Variants in ZDHHC11B observed in about 807,000 individuals in gnomAD.
The protein encoded by ZDHHC11B is probable palmitoyltransferase ZDHHC11B.
In ZDHHC11B, 17 loss-of-function variants were observed where a neutral mutation model predicts 42.3. That is an observed-to-expected ratio of 0.40 (90% CI 0.27 to 0.60). The LOEUF is 0.60. ZDHHC11B is among the 20% of genes least tolerant of loss of function. The probability of loss-of-function intolerance (pLI) is 0.41; values close to 1 mark genes in which losing one functional copy is unlikely to be tolerated. For missense variants in ZDHHC11B, 262 were observed against 463.2 expected, an observed-to-expected ratio of 0.57 and a Z score of 3.99; for synonymous variants, 123 against 193.5, an observed-to-expected ratio of 0.64 and a Z score of 3.02.
chr5:738,740 T>C (rs1409892216), intron 10 of ZDHHC11B, among the ~76,000 whole-genome samples: 1 of 149,386 alleles, frequency 6.7e-6, no homozygotes, highest in African/African-American at 2.4e-5. Context: ...ACAAGCCACA[T>C]GTGAAGAATG....
intron 4 of ZDHHC11B, among the ~76,000 whole-genome samples, chr5:759,334 G>A (rs1173014032): frequency 2.6e-5 from 4 of 151,866 alleles, no homozygotes; most frequent in African/African-American, 9.7e-5. Context: ...GGTGGAGAGC[G>A]AGCCCACAGC....
At chr5:772,741 C>T (rs1464554327) in intron 1 of ZDHHC11B, among the ~76,000 whole-genome samples, 2 of 151,752 alleles carry the variant, frequency 1.3e-5, no homozygotes, top group Admixed American at 6.6e-5. Context: ...CTTTCTGCAC[C>T]AAGGGGTGGA....
chr5:745,759 G>A (rs867242484), intron 8 of ZDHHC11B, among the ~76,000 whole-genome samples: 1 of 150,034 alleles, frequency 6.7e-6, no homozygotes, highest in Non-Finnish European at 1.5e-5. Flanking sequence ...CTGGACACTG[G>A]GTGGGGCGCA....
chr5:745,986 G>A (rs1301801956), intron 8 of ZDHHC11B, among the ~76,000 whole-genome samples: 5 of 148,602 alleles, frequency 3.4e-5, no homozygotes, highest in Non-Finnish European at 5.9e-5. Context: ...AGTGCCCACA[G>A]GACAGCTCAG....
chr5:713,141 G>C (rs1741494812), intron 13 of ZDHHC11B, among the ~76,000 whole-genome samples: 1 of 151,220 alleles, frequency 6.6e-6, no homozygotes, highest in Admixed American at 6.6e-5. Context: ...ACATAACATA[G>C]CCTTCAAACT....
intron 4 of ZDHHC11B, among the ~76,000 whole-genome samples, chr5:758,828 G>T (rs142566468): frequency 1.3e-5 from 2 of 151,912 alleles, no homozygotes; most frequent in African/African-American, 2.4e-5. Context: ...CGAGGTCCGC[G>T]CTCTGCGGGT....
intron 1 of ZDHHC11B, among the ~76,000 whole-genome samples, chr5:776,797 C>T (rs1478363392): frequency 2.6e-5 from 4 of 151,866 alleles, no homozygotes; most frequent in African/African-American, 4.8e-5. Flanking sequence ...AGGAACAAGG[C>T]GGCTCAGGTC....
chr5:765,784 T>C lies in ZDHHC11B; in HGVS notation c.222+914A>G, dbSNP rs545275214. Among the ~76,000 whole-genome samples the C allele has an allele frequency of 4.6e-3, 701 of 151,594 alleles. 1 individual carries two copies. The highest frequency in any genetic ancestry group is 0.016 in the African/African-American group (666 of 41,120). ...CCAGAAGGAAGAAATTCTGAACACA[T>C]CCAAACATCAGAAGGAACAAACTCC... On this transcript the variant is annotated intron_variant, in intron 4 of 13. Transcript: ENST00000508859.
chr5:732,476 T>A (rs1473238507), intron 11 of ZDHHC11B: 1 of 320,862 alleles, frequency 3.1e-6, no homozygotes, highest in East Asian at 9.1e-5. Flanking sequence ...GGTGGCTGAG[T>A]CTGGGCGGGG....
At chr5:766,227 C>T (rs1735334132) in intron 4 of ZDHHC11B, among the ~76,000 whole-genome samples, 2 of 151,962 alleles carry the variant, frequency 1.3e-5, no homozygotes, top group African/African-American at 4.8e-5. Flanking sequence ...AGAGCAGATG[C>T]AGGTCCCCTA....
chr5:732,383 C>A (rs1278721535), intron 11 of ZDHHC11B: 3 of 263,010 alleles, frequency 1.1e-5, no homozygotes, highest in Non-Finnish European at 2.3e-5. Flanking sequence ...CACAAATGCA[C>A]CTGTGCAGAA....
rs191758824 is a variant in ZDHHC11B, at chr5:760,949, G to A, written c.223-4805C>T. On this transcript the variant is annotated intron_variant, in intron 4 of 13. Coordinates refer to ENST00000508859, the MANE Select transcript of ZDHHC11B (RefSeq NM_001351303.2). The stretch of plus-strand genomic sequence containing the variant: ...CTTCAACCACACAGACCCCCAGGTG[G>A]TGGAGCAAGACACTGGTCTGGATAT... 2.0e-5 allele frequency among the ~76,000 whole-genome samples: 3 copies of A among 151,826 alleles called. No individual in the cohort carries two copies. The East Asian group carries it at 5.8e-4, about 29-fold the overall frequency.
chr5:759,011 G>T, intron 4 of ZDHHC11B, among the ~76,000 whole-genome samples: 1 of 151,992 alleles, frequency 6.6e-6, no homozygotes, highest in Middle Eastern at 3.4e-3. Flanking sequence ...ACGGAGCACC[G>T]TGTTCTCAAT....
At chr5:780,760 G>C (rs1736899365) in intron 1 of ZDHHC11B, among the ~76,000 whole-genome samples, 1 of 151,630 alleles carries the variant, frequency 6.6e-6, no homozygotes, top group Non-Finnish European at 1.5e-5. Context: ...AGGCTGAGAT[G>C]AGCTTCACCC....
chr5:735,471 TG>T (rs1183777645), intron 10 of ZDHHC11B, among the ~76,000 whole-genome samples: 8 of 81,920 alleles, frequency 9.8e-5, no homozygotes, highest in African/African-American at 3.6e-4. Flanking sequence ...AAAGAATGCC[TG>T]GGAAATTCAT....
rs763513542 is a variant in ZDHHC11B, at chr5:748,578, G to C, written c.629-19C>G. The C allele has an allele frequency of 1.5e-6, 2 of 1,358,904 alleles. 1 individual carries two copies. Among genetic ancestry groups the C allele is most frequent in the African/African-American group, 2.8e-5 (2 of 71,960 alleles). 84.2% of individuals were successfully genotyped at this position (1,358,904 alleles called of 1,614,324 possible). ...TTGACATCTGGGGAGACAAGGGAGA[G>C]ACACTGTGTCCAGCACCTGCTGACG... On this transcript the variant is annotated intron_variant, in intron 7 of 13. Coordinates refer to ENST00000508859, the MANE Select transcript of ZDHHC11B (RefSeq NM_001351303.2).
intron 1 of ZDHHC11B, among the ~76,000 whole-genome samples, chr5:776,726 T>C (rs2150243523): frequency 6.6e-6 from 1 of 152,064 alleles, no homozygotes; most frequent in South Asian, 2.1e-4. Context: ...CCAAGGGGCC[T>C]TCTAGGACCT....
intron 12 of ZDHHC11B, among the ~76,000 whole-genome samples, chr5:717,233 A>C (rs1160306543): frequency 6.6e-6 from 1 of 150,764 alleles, no homozygotes; most frequent in African/African-American, 2.5e-5. Context: ...TCTTCTCACA[A>C]CTCTTGCTTG....
At chr5:712,864 G>A (rs1741474485) in intron 13 of ZDHHC11B, among the ~76,000 whole-genome samples, 2 of 151,514 alleles carry the variant, frequency 1.3e-5, no homozygotes, top group Admixed American at 6.6e-5. Flanking sequence ...AGCCAAGATT[G>A]GGCCACTGCA....
Sources: allele counts gnomAD v4.1 joint callset (sites outside exome capture counted in the v4.1 genomes callset), GRCh38; gene constraint gnomAD v4.1.1; transcripts MANE v1.5; gene names NCBI Gene and HGNC (gene_info 2026-07-23, HGNC 2026-07-21).